Variants in NCOA7 observed in about 807,000 individuals in gnomAD.
NCOA7 encodes the protein nuclear receptor coactivator 7.
Under a neutral mutation model 104.3 loss-of-function variants are expected in NCOA7, and 45 were observed. The observed-to-expected ratio is 0.43, with a 90% confidence interval of 0.34 to 0.55. The LOEUF (loss-of-function observed/expected upper bound fraction) is 0.55. Ranked by LOEUF, NCOA7 falls within the 20% of genes least tolerant of loss-of-function variation. The pLI is 0.02. For synonymous variants in NCOA7, 398 were observed against 402.3 expected (o/e 0.99, Z 0.13); for missense variants, 1,041 against 1,119.7 (o/e 0.93, Z 1.00).
chr6:125,783,800 C>T (rs968180283), intron 1 of NCOA7, among the ~76,000 whole-genome samples: 27 of 152,170 alleles, frequency 1.8e-4, no homozygotes, highest in African/African-American at 4.6e-4. Flanking sequence ...AAATTTTTTA[C>T]ACAAAGAGTA....
At chr6:125,782,838 G>A (rs929396942) in intron 1 of NCOA7, among the ~76,000 whole-genome samples, 2 of 152,142 alleles carry the variant, frequency 1.3e-5, no homozygotes, top group Admixed American at 1.3e-4. Context: ...ATGTTGACAT[G>A]TCACCTTACA....
At chr6:125,846,064 G>A (rs1780578919) in intron 2 of NCOA7, among the ~76,000 whole-genome samples, 1 of 152,132 alleles carries the variant, frequency 6.6e-6, no homozygotes. Context: ...TGTTCTCATG[G>A]CTGGTCAATT....
intron 10 of NCOA7, among the ~76,000 whole-genome samples, chr6:125,897,609 A>G (rs1583490463): frequency 6.6e-6 from 1 of 152,202 alleles, no homozygotes; most frequent in African/African-American, 2.4e-5. Context: ...ATTTAAAGAC[A>G]TGTTAGTTCA....
At position 125,895,394 on chromosome 6, in the gene NCOA7, AC is replaced by A. The variant is rs376998385; in HGVS notation, c.2096+4585del. ...GGGTTTAAATTTTTATTTTTGTTTA[AC>A]TTGAAAAAAAATTATGCTGAGATAA... is the stretch of plus-strand genomic sequence containing the variant. On this transcript the variant is annotated intron_variant, in intron 10 of 15. Coordinates refer to ENST00000392477, the MANE Select transcript of NCOA7 (RefSeq NM_181782.5). Among the ~76,000 whole-genome samples, 242 of 152,204 alleles carry A rather than the reference AC, an allele frequency of 1.6e-3. 3 individuals are homozygous for A. Among genetic ancestry groups the A allele is most frequent in the South Asian group, 7.3e-3 (35 of 4,820 alleles).
intron 10 of NCOA7, among the ~76,000 whole-genome samples, chr6:125,894,724 A>G (rs1238917929): frequency 6.6e-6 from 1 of 150,768 alleles, no homozygotes. Context: ...GTATTAACCG[A>G]TTTCCCATTT....
intron 2 of NCOA7, among the ~76,000 whole-genome samples, chr6:125,822,203 G>T (rs1778253269): frequency 6.6e-6 from 1 of 152,176 alleles, no homozygotes; most frequent in African/African-American, 2.4e-5. Context: ...ATTGCCCATT[G>T]TTGGATTCAG....
At chr6:125,904,286 A>G (rs1785769554) in intron 10 of NCOA7, among the ~76,000 whole-genome samples, 2 of 152,044 alleles carry the variant, frequency 1.3e-5, no homozygotes, top group South Asian at 2.1e-4. Flanking sequence ...CCCAGCTCCG[A>G]TGCCCCTCAG....
intron 1 of NCOA7, among the ~76,000 whole-genome samples, chr6:125,784,109 G>A (rs1246616305): frequency 6.6e-6 from 1 of 152,118 alleles, no homozygotes; most frequent in East Asian, 1.9e-4. Flanking sequence ...AATGTTAGAA[G>A]AAAAATCATG....
chr6:125,901,734 C>G (rs181001797), intron 10 of NCOA7, among the ~76,000 whole-genome samples: 1 of 152,264 alleles, frequency 6.6e-6, no homozygotes, highest in Non-Finnish European at 1.5e-5. Context: ...CCCTTTTCAC[C>G]CTGCCCTCTT....
chr6:125,781,494 TTAAGATAA>T (rs1347326104), intron 1 of NCOA7: 7 of 152,212 alleles, frequency 4.6e-5, no homozygotes, highest in African/African-American at 1.7e-4. Context: ...AAAGGGGTTA[TTAAGATAA>T]TAAGATAGAA....
Position 125,929,933 on chromosome 6 carries a change from G to T in NCOA7, c.*1162G>T, listed in dbSNP as rs1186023306. ...TGAAAAACGTCAAATTGGACCAATTGTCTTGGTTTCTTGATTCATTTATTT... is the reference window on the plus strand; with the variant it reads ...TGAAAAACGTCAAATTGGACCAATTTTCTTGGTTTCTTGATTCATTTATTT... On this transcript the variant is annotated 3_prime_UTR_variant, in exon 16 of 16. Coordinates refer to ENST00000392477, the MANE Select transcript of NCOA7 (RefSeq NM_181782.5). 1.3e-5 allele frequency: 2 copies of T among 152,096 alleles called. No homozygotes were observed. Among genetic ancestry groups the T allele is most frequent in the East Asian group, 3.9e-4 (2 of 5,192 alleles). The allele number at this position is 152,096 out of a possible 1,614,324, so 9.4% of individuals were successfully genotyped here.
At chr6:125,864,293 G>A (rs569660359) in intron 3 of NCOA7, among the ~76,000 whole-genome samples, 2 of 137,474 alleles carry the variant, frequency 1.5e-5, no homozygotes, top group African/African-American at 6.1e-5. Flanking sequence ...AAAAAAGTCG[G>A]TTGACAATAG....
chr6:125,837,610 G>A (rs899657232), intron 2 of NCOA7, among the ~76,000 whole-genome samples: 2 of 151,510 alleles, frequency 1.3e-5, no homozygotes, highest in African/African-American at 4.9e-5. Flanking sequence ...TTCCTTTTAG[G>A]TTTATTTTCT....
chr6:125,822,493 T>G (rs920934605), intron 2 of NCOA7, among the ~76,000 whole-genome samples: 13 of 152,210 alleles, frequency 8.5e-5, no homozygotes, highest in Non-Finnish European at 1.8e-4. Flanking sequence ...TGAAATAACT[T>G]ACCCCAAATC....
Position 125,888,940 on chromosome 6 carries a change from G to T in NCOA7, c.886G>T (p.Asp296Tyr). 1 of 1,589,526 alleles carries T rather than the reference G, an allele frequency of 6.3e-7. No individual in the cohort carries two copies. The highest frequency in any genetic ancestry group is 1.1e-5 in the South Asian group (1 of 87,780). ...CACCCACCATTTCTCCCCCAACAGT[G>T]ACCTACCTCAGGATCTTTGTCCTCT... Reference protein sequence around the residue: ...HMKIKDALPSDLPQDLCPLYR... With the variant: ...HMKIKDALPSYLPQDLCPLYR... Residue 296 changes from aspartate to tyrosine, a missense_variant and splice_region_variant, in exon 9 of 16, where the codon GAC becomes TAC. Asp to Tyr is a radical substitution (Grantham distance 160). This residue lies in a region of NCOA7 where 914 missense variants were observed against 942.7 expected (regional missense o/e 0.97). Transcript: ENST00000392477.
At chr6:125,783,414 T>G (rs1774314631) in intron 1 of NCOA7, among the ~76,000 whole-genome samples, 1 of 152,242 alleles carries the variant, frequency 6.6e-6, no homozygotes, top group African/African-American at 2.4e-5. Context: ...AATCAATTAT[T>G]GCTATAGTGA....
At chr6:125,854,965 T>A in intron 2 of NCOA7, 55 bp from the exon 3 acceptor site, 1 of 1,247,894 alleles carries the variant, frequency 8.0e-7, no homozygotes, top group East Asian at 2.3e-5. Context: ...TTAATATGAT[T>A]TCTACCAGCA....
chr6:125,902,087 G>A (rs1330185179), intron 10 of NCOA7, among the ~76,000 whole-genome samples: 1 of 152,100 alleles, frequency 6.6e-6, no homozygotes, highest in Non-Finnish European at 1.5e-5. Flanking sequence ...GGTAGGGGGT[G>A]TGGCAGGCCA....
chr6:125,809,468 C>T (rs575809798), intron 1 of NCOA7, among the ~76,000 whole-genome samples: 1 of 152,174 alleles, frequency 6.6e-6, no homozygotes, highest in Non-Finnish European at 1.5e-5. Flanking sequence ...TAGGCATGAG[C>T]CACTGCGTCT....
Sources: allele counts gnomAD v4.1 joint callset (sites outside exome capture counted in the v4.1 genomes callset), GRCh38; gene constraint gnomAD v4.1.1; regional missense constraint gnomAD v4.1.1; transcripts MANE v1.5; gene names NCBI Gene and HGNC (gene_info 2026-07-23, HGNC 2026-07-21).